CDH23: variants seen among roughly 807,000 people sequenced by gnomAD.
CDH23 encodes the protein cadherin-23.
A neutral mutation model predicts 317.1 loss-of-function variants in CDH23; 189 were observed. The ratio of observed to expected loss-of-function variants is 0.60; its 90% CI spans 0.53 to 0.67. The LOEUF (loss-of-function observed/expected upper bound fraction) is 0.67, where lower values mean the gene tolerates loss of function less well. CDH23 is among the 30% of genes least tolerant of loss of function. CDH23 has a pLI of 0.00. For synonymous variants in CDH23, 1,839 were observed against 1,876.8 expected (o/e 0.98, Z 0.52); for missense variants, 4,401 against 4,592.4 (o/e 0.96, Z 1.20).
At chr10:71,477,923 G>A (rs141365390) in intron 3 of CDH23, among the ~76,000 whole-genome samples, 5 of 152,162 alleles carry the variant, frequency 3.3e-5, no homozygotes, top group East Asian at 1.9e-4. Context: ...TCACGTGCCC[G>A]GGCCAGACAT....
intron 9 of CDH23, among the ~76,000 whole-genome samples, chr10:71,579,131 G>GT (rs1858450276): frequency 2.0e-5 from 3 of 152,182 alleles, no homozygotes; most frequent in African/African-American, 7.2e-5. Flanking sequence ...CCACGTAAGT[G>GT]TTAGCTGTGG....
At chr10:71,545,798 G>C (rs1856245015) in intron 6 of CDH23, among the ~76,000 whole-genome samples, 1 of 152,176 alleles carries the variant, frequency 6.6e-6, no homozygotes, top group African/African-American at 2.4e-5. Context: ...GGGCCTCTCT[G>C]AGGACATGTG....
Position 71,793,505 on chromosome 10 carries a change from A to G in CDH23, c.6577A>G (p.Ile2193Val), listed in dbSNP as rs1381655616. 2 of 1,613,986 alleles carry G rather than the reference A, an allele frequency of 1.2e-6. No homozygotes were observed. The highest frequency in any genetic ancestry group is 2.2e-5 in the East Asian group (1 of 44,894). ...VLESAEPGTV[I>V]ANITAIDHDL... ...GGAGTCGGCTGAGCCAGGCACTGTC[A>G]TTGCCAATATCACGGCCATTGACCA... Residue 2193 changes from isoleucine (I) to valine (V), a missense_variant, in exon 48 of 70, where the codon ATT becomes GTT. Physicochemically the swap from Ile to Val is conservative, Grantham distance 29. This residue lies in a region of CDH23 where 3,068 missense variants were observed against 3,203.3 expected (regional missense o/e 0.96). Coordinates refer to ENST00000224721, the MANE Select transcript of CDH23 (RefSeq NM_022124.6).
At chr10:71,420,428 A>ATGATGATGG (rs1848710855) in intron 1 of CDH23, among the ~76,000 whole-genome samples, 4 of 21,466 alleles carry the variant, frequency 1.9e-4, no homozygotes, top group Non-Finnish European at 3.2e-4. Flanking sequence ...GATGGTGATG[A>ATGATGATGG]TGATGATGAT....
At chr10:71,432,341 C>T (rs369329911) in intron 1 of CDH23, among the ~76,000 whole-genome samples, 3 of 33,072 alleles carry the variant, frequency 9.1e-5, no homozygotes, top group African/African-American at 4.6e-4. Context: ...AGTGTGTGTG[C>T]GGTGTGTGAG....
chr10:71,710,021 G>C (rs1279046449), intron 27 of CDH23, among the ~76,000 whole-genome samples: 3 of 152,122 alleles, frequency 2.0e-5, no homozygotes, highest in Non-Finnish European at 4.4e-5. Flanking sequence ...ACTACCACGA[G>C]AACAGTGTAG....
At chr10:71,557,370 G>A (rs1856922199) in intron 6 of CDH23, among the ~76,000 whole-genome samples, 1 of 152,150 alleles carries the variant, frequency 6.6e-6, no homozygotes, top group Admixed American at 6.6e-5. Flanking sequence ...TCCCTGGAGT[G>A]TCCACCCTCC....
chr10:71,438,973 T>C (rs1473980586), intron 1 of CDH23, among the ~76,000 whole-genome samples: 2 of 152,144 alleles, frequency 1.3e-5, no homozygotes, highest in African/African-American at 4.8e-5. Flanking sequence ...TGCTGGGCTC[T>C]AGGGAGGCCT....
intron 3 of CDH23, among the ~76,000 whole-genome samples, chr10:71,479,543 C>G (rs1453109361): frequency 2.0e-5 from 3 of 152,144 alleles, no homozygotes; most frequent in African/African-American, 7.2e-5. Context: ...GCTTCCTGCT[C>G]CTGCTAATGC....
At chr10:71,778,050 G>A (rs1840859373) in intron 39 of CDH23, 139 bp from the exon 40 acceptor site, 1 of 1,441,500 alleles carries the variant, frequency 6.9e-7, no homozygotes, top group Non-Finnish European at 9.5e-7. Context: ...AAAGTTTGGT[G>A]GAGTGGAGCC....
intron 31 of CDH23, among the ~76,000 whole-genome samples, chr10:71,731,541 G>T (rs1466088844): frequency 1.3e-5 from 2 of 152,174 alleles, no homozygotes; most frequent in Non-Finnish European, 2.9e-5. Flanking sequence ...GAGTGGGGAG[G>T]ATGGGGGAAG....
chr10:71,735,811 GAGGC>G (rs760416649), intron 34 of CDH23, among the ~76,000 whole-genome samples: 13 of 152,236 alleles, frequency 8.5e-5, no homozygotes, highest in Admixed American at 5.9e-4. Context: ...GGGGGTGAGT[GAGGC>G]TGTGATGGGC....
intron 46 of CDH23, among the ~76,000 whole-genome samples, 178 bp from the exon 47 acceptor site, chr10:71,790,954 A>T (rs990615435): frequency 2.0e-5 from 3 of 152,230 alleles, no homozygotes; most frequent in Non-Finnish European, 4.4e-5. Context: ...GCCCTCCCTC[A>T]GCACGGGTGG....
chr10:71,562,847 C>T (rs1857200942), intron 6 of CDH23, among the ~76,000 whole-genome samples: 1 of 152,246 alleles, frequency 6.6e-6, no homozygotes, highest in African/African-American at 2.4e-5. Context: ...CTCTGCCACC[C>T]TGTAACTGTG....
At chr10:71,532,711 G>GTT (rs531593760) in intron 6 of CDH23, among the ~76,000 whole-genome samples, 41 of 128,112 alleles carry the variant, frequency 3.2e-4, no homozygotes, top group Non-Finnish European at 5.4e-4. Flanking sequence ...TTTTGTTTTT[G>GTT]TTTTTTTTTT....
intron 14 of CDH23, among the ~76,000 whole-genome samples, chr10:71,667,792 T>TA (rs1409547046): frequency 6.6e-6 from 1 of 152,036 alleles, no homozygotes; most frequent in Non-Finnish European, 1.5e-5. Flanking sequence ...ACTGTTGGAA[T>TA]AGCGGGTCCC....
intron 38 of CDH23, chr10:71,760,589 G>C (rs1049762914): frequency 1.0e-5 from 4 of 401,672 alleles, no homozygotes; most frequent in African/African-American, 8.1e-5. Flanking sequence ...CCCAGTACCT[G>C]TCATGAGGCA....
At chr10:71,728,188 CT>C (rs752346711) in intron 30 of CDH23, among the ~76,000 whole-genome samples, 2 of 152,136 alleles carry the variant, frequency 1.3e-5, no homozygotes, top group Non-Finnish European at 2.9e-5. Context: ...TCCATGCAAA[CT>C]CCCCCCCGCA....
chr10:71,516,572 GTAA>G (rs1156232201), intron 6 of CDH23, among the ~76,000 whole-genome samples: 1 of 152,246 alleles, frequency 6.6e-6, no homozygotes, highest in African/African-American at 2.4e-5. Flanking sequence ...TATGGTGACA[GTAA>G]TAATAAATCG....
Sources: allele counts gnomAD v4.1 joint callset (sites outside exome capture counted in the v4.1 genomes callset), GRCh38; gene constraint gnomAD v4.1.1; regional missense constraint gnomAD v4.1.1; transcripts MANE v1.5; gene names NCBI Gene and HGNC (gene_info 2026-07-23, HGNC 2026-07-21).